ESD: variants seen among roughly 807,000 people sequenced by gnomAD.
The protein encoded by ESD is esterase D.
A neutral mutation model predicts 38.1 loss-of-function variants in ESD; 34 were observed. That is an observed-to-expected ratio of 0.89 (90% CI 0.68 to 1.19). The LOEUF (loss-of-function observed/expected upper bound fraction) is 1.19. Ranked by LOEUF, ESD falls within the 50% of genes most tolerant of loss-of-function variation. ESD has a pLI of 0.00. For missense variants in ESD, 334 were observed against 327.2 expected (o/e 1.02, Z -0.16); for synonymous variants, 97 against 107.0 (o/e 0.91, Z 0.58).
intron 2 of ESD, among the ~76,000 whole-genome samples, chr13:46,792,500 T>C (rs984854047): frequency 6.6e-6 from 1 of 152,026 alleles, no homozygotes; most frequent in Non-Finnish European, 1.5e-5. Flanking sequence ...TAAACCCAAA[T>C]AGTTTTATTT....
intron 3 of ESD, among the ~76,000 whole-genome samples, chr13:46,788,178 T>C (rs1401966305): frequency 6.6e-6 from 1 of 152,014 alleles, no homozygotes; most frequent in Non-Finnish European, 1.5e-5. Flanking sequence ...ATTGAGCTGG[T>C]AATTCTCTCC....
chr13:46,779,116 C>T (rs1422365554), intron 8 of ESD, among the ~76,000 whole-genome samples: 1 of 151,642 alleles, frequency 6.6e-6, no homozygotes, highest in Non-Finnish European at 1.5e-5. Context: ...AGTAACATGG[C>T]TCTCAGGAAA....
chr13:46,779,697 T>C (rs1185223671), intron 8 of ESD, among the ~76,000 whole-genome samples: 4 of 145,540 alleles, frequency 2.7e-5, no homozygotes, highest in Admixed American at 2.1e-4. Flanking sequence ...GTAGGGTTTT[T>C]TGTTGATTTA....
intron 1 of ESD, among the ~76,000 whole-genome samples, chr13:46,796,034 T>TA (rs869123739): frequency 6.7e-6 from 1 of 150,294 alleles, no homozygotes; most frequent in African/African-American, 2.5e-5. Flanking sequence ...GAAAATTTTT[T>TA]AAAAAAAATA....
In ESD at chr13:46,771,487, G is replaced by A. The variant is rs1230405064; in HGVS notation, c.778C>T (p.His260Tyr). The A allele has an allele frequency of 6.3e-7, 1 of 1,593,870 alleles. No individual in the cohort carries two copies. Among genetic ancestry groups the A allele is most frequent in the East Asian group, 2.2e-5 (1 of 44,580 alleles). The change falls in exon 10 of 10, where the codon CAT becomes TAT. Residue 260 changes from histidine to tyrosine, a missense_variant. By Grantham distance (83) the His-to-Tyr change is moderately conservative (BLOSUM62 2). Coordinates refer to ENST00000378720, the MANE Select transcript of ESD (RefSeq NM_001984.2). ...VVFRLQEGYDHSYYFIATFIT... is the reference protein window; with the variant it reads ...VVFRLQEGYDYSYYFIATFIT... ...AAGGTTGCAATGAAGTAGTAGCTATGATCATAACCCTAGAAGATAAAGAGA... is the reference window on the plus strand; with the variant it reads ...AAGGTTGCAATGAAGTAGTAGCTATAATCATAACCCTAGAAGATAAAGAGA...
chr13:46,775,808 G>A (rs147416764), intron 9 of ESD: 113 of 371,720 alleles, frequency 3.0e-4, no homozygotes, highest in Middle Eastern at 2.8e-3. Flanking sequence ...TCCTCATTAA[G>A]TATAGCCAAC....
chr13:46,780,471 A>C (rs1874960423), intron 7 of ESD, among the ~76,000 whole-genome samples: 1 of 151,724 alleles, frequency 6.6e-6, no homozygotes, highest in Non-Finnish European at 1.5e-5. Flanking sequence ...AATATGACAG[A>C]ATTTTTAATA....
chr13:46,788,383 T>G (rs918719315), intron 3 of ESD, among the ~76,000 whole-genome samples: 2 of 152,208 alleles, frequency 1.3e-5, no homozygotes, highest in African/African-American at 4.8e-5. Context: ...TTTTCAACTT[T>G]TGTTAGGGAA....
intron 4 of ESD, among the ~76,000 whole-genome samples, chr13:46,786,533 A>C (rs1875199432): frequency 6.6e-6 from 1 of 152,042 alleles, no homozygotes; most frequent in South Asian, 2.1e-4. Flanking sequence ...GATTAAGAGA[A>C]GCCTTAGCGT....
intron 3 of ESD, chr13:46,790,629 T>C (rs1875363761): frequency 6.6e-6 from 1 of 152,222 alleles, no homozygotes. Context: ...GAAGAGGCAG[T>C]CCATAAAGCT....
intron 9 of ESD, chr13:46,775,669 T>C: frequency 2.1e-6 from 1 of 470,764 alleles, no homozygotes; most frequent in Non-Finnish European, 4.4e-6. Context: ...TCAAGCTATG[T>C]AGTCCACTCT....
At chr13:46,776,137 G>A (rs1874790798) in intron 9 of ESD, 2 of 153,046 alleles carry the variant, frequency 1.3e-5, no homozygotes, top group Admixed American at 1.3e-4. Context: ...TTGGTATTTG[G>A]ATTTCTCAAG....
At chr13:46,796,916 G>C (rs932033846) in intron 1 of ESD, among the ~76,000 whole-genome samples, 189 bp downstream of exon 1, 1 of 152,232 alleles carries the variant, frequency 6.6e-6, no homozygotes, top group African/African-American at 2.4e-5. Context: ...CGAGGCTCCG[G>C]GTCACGGGAA....
rs768882465 is a variant in ESD, at chr13:46,787,111, T to C, written c.69-2A>G. 3 of 1,534,946 alleles carry C rather than the reference T, an allele frequency of 2.0e-6. No individual in the cohort carries two copies. Among genetic ancestry groups the C allele is most frequent in the South Asian group, 2.5e-5 (2 of 80,352 alleles). The stretch of plus-strand genomic sequence containing the variant: ...TTCATTTTGCAGTTTAGTTCAACAC[T>C]AGTTTTAACAAAAACAACAACAAAA... On this transcript the variant is annotated splice_acceptor_variant, in intron 3 of 9. Transcript: ENST00000378720. LOFTEE classifies it high-confidence loss of function.
intron 2 of ESD, among the ~76,000 whole-genome samples, chr13:46,792,879 T>C (rs1030092011): frequency 2.0e-5 from 3 of 151,996 alleles, no homozygotes; most frequent in Non-Finnish European, 4.4e-5. Context: ...ATTTGCTCCA[T>C]TATTCCACAA....
At chr13:46,783,458 C>T (rs903195047) in intron 5 of ESD, among the ~76,000 whole-genome samples, 3 of 151,834 alleles carry the variant, frequency 2.0e-5, no homozygotes, top group Non-Finnish European at 4.4e-5. Flanking sequence ...ATGACCTTGT[C>T]GTAAGATTCA....
At chr13:46,782,090 T>C (rs994821467) in intron 6 of ESD, among the ~76,000 whole-genome samples, 16 of 151,790 alleles carry the variant, frequency 1.1e-4, no homozygotes, top group African/African-American at 3.6e-4. Flanking sequence ...GAAAATATTT[T>C]TATATGTAAC....
intron 3 of ESD, among the ~76,000 whole-genome samples, chr13:46,788,094 T>C (rs960885427): frequency 6.6e-6 from 1 of 152,174 alleles, no homozygotes; most frequent in Non-Finnish European, 1.5e-5. Flanking sequence ...TAAGAAGTTA[T>C]AAATGCTATT....
At chr13:46,782,872 A>C in intron 5 of ESD, 81 bp from the exon 6 acceptor site, 1 of 1,534,836 alleles carries the variant, frequency 6.5e-7, no homozygotes, top group Non-Finnish European at 8.9e-7. Flanking sequence ...ATGAATCTGC[A>C]AGTCCATTTG....
Sources: gnomAD v4.1 joint callset for allele counts (sites outside exome capture counted in the v4.1 genomes callset) on GRCh38, gnomAD v4.1.1 for gene constraint, MANE v1.5 for transcripts, NCBI Gene and HGNC (gene_info 2026-07-23, HGNC 2026-07-21) for gene names.